Variants in MUCL1 observed in about 807,000 individuals in gnomAD.
The protein encoded by MUCL1 is mucin like 1, also known as mucin-like protein 1.
MUCL1 carries 11 observed loss-of-function variants against 9.2 expected under a neutral mutation model. That is an observed-to-expected ratio of 1.19 (90% CI 0.75 to 1.97). The LOEUF is 1.97. Among genes scored for constraint, MUCL1 ranks in the 30% most tolerant of loss-of-function variants. The pLI is 0.00. For synonymous variants in MUCL1, 48 were observed against 40.5 expected (o/e 1.19, Z -0.71); for missense variants, 144 against 110.9 (o/e 1.30, Z -1.34).
At chr12:54,838,004 A>G (rs998986219), upstream of MUCL1, among the ~76,000 whole-genome samples, 3 of 152,144 alleles carry the variant, frequency 2.0e-5, no homozygotes, top group Non-Finnish European at 4.4e-5. Context: ...TGCTATCTTC[A>G]TTGCATTATT....
At chr12:54,834,011 C>T (rs1016291190) in intron 1 of MUCL1, among the ~76,000 whole-genome samples, 2 of 152,044 alleles carry the variant, frequency 1.3e-5, no homozygotes, top group Non-Finnish European at 2.9e-5. Context: ...TAATTACATG[C>T]ATTATAACTA....
chr12:54,854,980 G>A, intron 1 of MUCL1, 136 bp from the exon 2 acceptor site: 2 of 726,106 alleles, frequency 2.8e-6, no homozygotes, highest in Non-Finnish European at 4.8e-6. Context: ...CTGTGCACTT[G>A]TTCTTCCTCA....
chr12:54,835,637 A>T (rs1959191976), upstream of MUCL1, among the ~76,000 whole-genome samples: 1 of 141,030 alleles, frequency 7.1e-6, no homozygotes, highest in East Asian at 2.1e-4. Context: ...GATTTGTTTG[A>T]GCTCCTTGTC....
At chr12:54,836,477 CTT>C (rs572366744), upstream of MUCL1, among the ~76,000 whole-genome samples, 64 of 152,200 alleles carry the variant, frequency 4.2e-4, 1 homozygote, top group East Asian at 9.5e-3. Flanking sequence ...AATCTTCTCT[CTT>C]TTCTTGGTTA....
chr12:54,847,767 G>A (rs549780151), intron 1 of MUCL1, among the ~76,000 whole-genome samples: 39 of 152,308 alleles, frequency 2.6e-4, no homozygotes, highest in African/African-American at 9.1e-4. Context: ...ATCGAAGGTG[G>A]CCTGAAGATG....
intron 1 of MUCL1, among the ~76,000 whole-genome samples, chr12:54,834,253 T>A (rs1959189365): frequency 1.3e-5 from 2 of 152,152 alleles, no homozygotes; most frequent in Non-Finnish European, 2.9e-5. Flanking sequence ...TGGAATTTAT[T>A]TTAGTGTATT....
In MUCL1 at chr12:54,845,618, C is replaced by G. The variant is rs535772282; in HGVS notation, c.43+6171C>G. ...ACTCTGGGGTTACCAGTAGGGTACA[C>G]TTGGTTCATCTGGGCATGCTCAGGT... On this transcript the variant is annotated intron_variant, in intron 1 of 3. Transcript: ENST00000546809. Among the ~76,000 whole-genome samples, 5 of 152,164 alleles carry G rather than the reference C, an allele frequency of 3.3e-5. No homozygotes were observed. The East Asian group carries it at 5.8e-4, about 18-fold the overall frequency.
intron 1 of MUCL1, among the ~76,000 whole-genome samples, chr12:54,839,791 C>A (rs1338432636): frequency 6.6e-6 from 1 of 152,168 alleles, no homozygotes; most frequent in Non-Finnish European, 1.5e-5. Context: ...TGTACAGGTG[C>A]ACCCATGCTC....
In MUCL1 at chr12:54,839,512, G is replaced by T. The variant is rs78092954; in HGVS notation, c.43+65G>T. The T allele has an allele frequency of 1.0e-2, 6,990 of 700,598 alleles. 343 individuals are homozygous for T. The African/African-American group carries it at 0.11, about 11-fold the overall frequency. 43.4% of individuals were successfully genotyped at this position (700,598 alleles called of 1,614,324 possible). ...GCCTTGACAGAGGCAGCTGGGGGAG[G>T]TCTCAGTGAAATGCACTGAGGTCTT... On this transcript the variant is annotated intron_variant, in intron 1 of 3. Coordinates refer to the MUCL1 transcript ENST00000546809.
intron 1 of MUCL1, among the ~76,000 whole-genome samples, chr12:54,849,004 T>C (rs1057493034): frequency 6.6e-6 from 1 of 152,160 alleles, no homozygotes; most frequent in African/African-American, 2.4e-5. Context: ...ATGACCTGAA[T>C]TCCTGTAAGC....
intron 1 of MUCL1, among the ~76,000 whole-genome samples, chr12:54,831,697 A>C (rs532789195): frequency 1.2e-4 from 19 of 152,200 alleles, no homozygotes; most frequent in Non-Finnish European, 2.2e-4. Context: ...TTAAGTTTAT[A>C]TATTTTTGGC....
upstream of MUCL1, among the ~76,000 whole-genome samples, chr12:54,853,724 C>CT (rs1452339593): frequency 6.6e-6 from 1 of 151,728 alleles, no homozygotes; most frequent in Non-Finnish European, 1.5e-5. Flanking sequence ...TCTTTCTTTA[C>CT]TTTTTTAGTG....
chr12:54,833,734 C>A (rs1959188549), intron 1 of MUCL1, among the ~76,000 whole-genome samples: 1 of 150,334 alleles, frequency 6.7e-6, no homozygotes, highest in Non-Finnish European at 1.5e-5. Context: ...AAAAACCAAA[C>A]ACCGCATGTT....
chr12:54,856,581 C>T (rs1868301157), intron 2 of MUCL1, among the ~76,000 whole-genome samples, 189 bp from the exon 3 acceptor site: 1 of 152,092 alleles, frequency 6.6e-6, no homozygotes, highest in African/African-American at 2.4e-5. Context: ...TTCTTTCTGT[C>T]CCAGCAAAGA....
At position 54,854,516 on chromosome 12, in the gene MUCL1, A is replaced by C. The variant is rs907613454; in HGVS notation, c.-67A>C. On this transcript the variant is annotated 5_prime_UTR_variant, in exon 1 of 4. Transcript: ENST00000308796. The stretch of plus-strand genomic sequence containing the variant: ...TGTCAGGATGTGGAATCCTGAAGTC[A>C]GCGCCTTGCCTTCTCTTAGGCTTTG... 7 of 1,304,030 alleles carry C rather than the reference A, an allele frequency of 5.4e-6. No homozygotes were observed. The African/African-American group carries it at 1.0e-4, about 19-fold the overall frequency. 80.8% of individuals were successfully genotyped at this position (1,304,030 alleles called of 1,614,324 possible).
rs757636246 is a variant in MUCL1 at position 54,854,591 on chromosome 12, C to T, written c.9C>T (p.Phe3=). 60 of 1,613,222 alleles carry T rather than the reference C, an allele frequency of 3.7e-5. 1 individual carries two copies. The South Asian group carries it at 6.6e-4, about 18-fold the overall frequency. MK[F]LAVLVLLGVS... is the part of the protein sequence containing the mutation. ...ATCTTCAGGTCACCACCATGAAGTTCTTAGCAGTCCTGGTACTCTTGGGAG... is the reference window on the plus strand; with the variant it reads ...ATCTTCAGGTCACCACCATGAAGTTTTTAGCAGTCCTGGTACTCTTGGGAG... The change falls in exon 1 of 4, where the codon TTC becomes TTT. Residue 3 remains phenylalanine, a synonymous_variant. Transcript: ENST00000308796.
At chr12:54,854,791 G>A (rs1040433077) in intron 1 of MUCL1, 151 bp downstream of exon 1, 17 of 686,624 alleles carry the variant, frequency 2.5e-5, no homozygotes, top group Admixed American at 5.7e-5. Flanking sequence ...TCAAGATGGA[G>A]ATGGTTATCC....
intron 1 of MUCL1, among the ~76,000 whole-genome samples, chr12:54,847,760 G>A (rs185271837): frequency 5.6e-4 from 85 of 152,308 alleles, no homozygotes; most frequent in African/African-American, 2.0e-3. Flanking sequence ...GGAAGCCATC[G>A]AAGGTGGCCT....
chr12:54,849,443 A>G (rs1277310327), intron 1 of MUCL1, among the ~76,000 whole-genome samples: 2 of 152,064 alleles, frequency 1.3e-5, no homozygotes, highest in African/African-American at 4.8e-5. Context: ...GTATACTTCT[A>G]TTTTAATTTT....
Sources: allele counts gnomAD v4.1 joint callset (sites outside exome capture counted in the v4.1 genomes callset), GRCh38; gene constraint gnomAD v4.1.1; transcripts MANE v1.5; gene names NCBI Gene and HGNC (gene_info 2026-07-23, HGNC 2026-07-21).